The following ADAMTSL3 variants were observed in gnomAD, a reference collection of about 807,000 sequenced individuals.
ADAMTSL3 encodes ADAMTS-like protein 3.
Under a neutral mutation model 201.7 loss-of-function variants are expected in ADAMTSL3, and 128 were observed. The observed-to-expected ratio is 0.63, with a 90% confidence interval of 0.55 to 0.73. ADAMTSL3 has a LOEUF of 0.73. Among genes scored for constraint, ADAMTSL3 ranks in the 30% least tolerant of loss-of-function variants. The probability of loss-of-function intolerance (pLI) is 0.00; values close to 1 mark genes in which losing one functional copy is unlikely to be tolerated. For synonymous variants in ADAMTSL3, 738 were observed against 748.4 expected, an observed-to-expected ratio of 0.99 and a Z score of 0.23; for missense variants, 1,990 against 2,119.6, an observed-to-expected ratio of 0.94 and a Z score of 1.20.
intron 27 of ADAMTSL3, among the ~76,000 whole-genome samples, chr15:84,025,758 A>G (rs2279924): frequency 0.44 from 66,521 of 151,956 alleles, 14,742 homozygotes; most frequent in East Asian, 0.59. Flanking sequence ...TGGTATCTGC[A>G]CAAAAGCCTC....
At chr15:83,983,404 T>C (rs1466660026) in intron 21 of ADAMTSL3, 60 bp downstream of exon 21, 1 of 1,194,542 alleles carries the variant, frequency 8.4e-7, no homozygotes, top group African/African-American at 1.6e-5. Context: ...GCTATTCCAG[T>C]TTTCTTGAAA....
At position 84,024,250 on chromosome 15, in the gene ADAMTSL3, C is replaced by T. The variant is rs371532867; in HGVS notation, c.4458-988C>T. On this transcript the variant is annotated intron_variant, in intron 26 of 29. Coordinates refer to ENST00000286744, the MANE Select transcript of ADAMTSL3 (RefSeq NM_207517.3). Reference sequence around the variant, plus strand: ...CAGCCTGGGCGACAGAATGAGACTCCGTCTCACAACAAACAAACAAACATA... The same window carrying T: ...CAGCCTGGGCGACAGAATGAGACTCTGTCTCACAACAAACAAACAAACATA... Among the ~76,000 whole-genome samples, 27 of 152,228 alleles carry T rather than the reference C, an allele frequency of 1.8e-4. No homozygotes were observed. The East Asian group carries it at 4.6e-3, about 26-fold the overall frequency.
chr15:83,748,649 C>CAAAAAAAA (rs71156097), intron 3 of ADAMTSL3, among the ~76,000 whole-genome samples: 8 of 70,504 alleles, frequency 1.1e-4, no homozygotes, highest in Admixed American at 1.8e-4. Flanking sequence ...GACCCTGTCT[C>CAAAAAAAA]AAAAAAAAAA....
chr15:83,881,447 A>G (rs990237809), intron 9 of ADAMTSL3, among the ~76,000 whole-genome samples: 2 of 152,226 alleles, frequency 1.3e-5, no homozygotes, highest in South Asian at 4.1e-4. Flanking sequence ...AAAAAGGTAG[A>G]GCCAAATGTC....
At chr15:83,712,226 T>C (rs1272111382) in intron 3 of ADAMTSL3, among the ~76,000 whole-genome samples, 1 of 152,174 alleles carries the variant, frequency 6.6e-6, no homozygotes, top group Non-Finnish European at 1.5e-5. Flanking sequence ...ATGACTTGCT[T>C]TTCTGTTCTT....
intron 5 of ADAMTSL3, among the ~76,000 whole-genome samples, chr15:83,812,141 T>C (rs1043718838): frequency 5.3e-5 from 8 of 152,242 alleles, no homozygotes; most frequent in African/African-American, 1.9e-4. Flanking sequence ...TTTTTTTCCA[T>C]GTAATTACTT....
intron 16 of ADAMTSL3, among the ~76,000 whole-genome samples, chr15:83,917,899 A>T (rs1438386947): frequency 6.6e-6 from 1 of 152,228 alleles, no homozygotes; most frequent in Non-Finnish European, 1.5e-5. Context: ...GTTTAATCAC[A>T]GTGTGTGGTA....
At chr15:83,933,065 C>T (rs573328793) in intron 17 of ADAMTSL3, among the ~76,000 whole-genome samples, 31 of 152,062 alleles carry the variant, frequency 2.0e-4, no homozygotes, top group Non-Finnish European at 1.5e-4. Context: ...CAAAAATGGT[C>T]AAATATTGGC....
chr15:84,037,947 A>G lies in ADAMTSL3; in HGVS notation c.*141A>G. 8.0e-7 allele frequency: 1 copy of G among 1,256,520 alleles called. No homozygotes were observed. 77.8% of individuals were successfully genotyped at this position (1,256,520 alleles called of 1,614,324 possible). A position where few individuals can be genotyped will look rare whatever the true frequency, so the allele number is the denominator to read the frequency against. On this transcript the variant is annotated 3_prime_UTR_variant, in exon 30 of 30. Transcript: ENST00000286744. The stretch of plus-strand genomic sequence containing the variant: ...AAACAGAGGTTGATGCAAAAACACC[A>G]CTGTTAAGGTGTAAAGTGAAATTTT...
chr15:83,823,064 G>A (rs367897639), intron 6 of ADAMTSL3, among the ~76,000 whole-genome samples: 15 of 151,924 alleles, frequency 9.9e-5, no homozygotes, highest in African/African-American at 2.9e-4. Context: ...GCGTGGCGGC[G>A]CGCGCCTGCA....
chr15:83,671,925 G>C (rs1243448700), intron 2 of ADAMTSL3, among the ~76,000 whole-genome samples: 1 of 152,202 alleles, frequency 6.6e-6, no homozygotes, highest in Non-Finnish European at 1.5e-5. Flanking sequence ...TGCTGATTTT[G>C]CCTCTGGGTT....
intron 2 of ADAMTSL3, among the ~76,000 whole-genome samples, chr15:83,668,299 T>TG (rs2061277310): frequency 9.7e-6 from 1 of 102,718 alleles, no homozygotes; most frequent in Non-Finnish European, 1.9e-5. Context: ...CTTTTCTCAC[T>TG]CTTTTTTTTC....
intron 19 of ADAMTSL3, among the ~76,000 whole-genome samples, chr15:83,963,667 G>A (rs2067019383): frequency 6.6e-6 from 1 of 152,252 alleles, no homozygotes; most frequent in Non-Finnish European, 1.5e-5. Flanking sequence ...CTAAGGGATA[G>A]ACTGTCTCCT....
chr15:83,859,212 G>A lies in ADAMTSL3; in HGVS notation c.802+372G>A, dbSNP rs148527412. 4.7e-4 allele frequency among the ~76,000 whole-genome samples: 72 copies of A among 152,330 alleles called. No individual in the cohort carries two copies. In the South Asian group the frequency reaches 5.2e-3, roughly 11 times the overall value. ...ACGCACTGGTTTGACCTGAAAAGGT[G>A]GAATATCTTGAAGTGGGGGCTTACA... On this transcript the variant is annotated intron_variant, in intron 8 of 29. Coordinates refer to ENST00000286744, the MANE Select transcript of ADAMTSL3 (RefSeq NM_207517.3).
intron 8 of ADAMTSL3, among the ~76,000 whole-genome samples, chr15:83,867,678 G>A (rs1044696860): frequency 6.6e-6 from 1 of 152,144 alleles, no homozygotes; most frequent in Non-Finnish European, 1.5e-5. Flanking sequence ...GTACATATAA[G>A]TTTGATGTAT....
chr15:83,792,437 G>A (rs1257598717), intron 4 of ADAMTSL3, among the ~76,000 whole-genome samples: 3 of 152,166 alleles, frequency 2.0e-5, no homozygotes, highest in Non-Finnish European at 4.4e-5. Flanking sequence ...CCCTGTTGGC[G>A]AGAATGTAAA....
chr15:83,864,948 A>G lies in ADAMTSL3; in HGVS notation c.803-5854A>G, dbSNP rs1259638367. 2.6e-5 allele frequency among the ~76,000 whole-genome samples: 4 copies of G among 152,200 alleles called. No homozygotes were observed. In the East Asian group the frequency reaches 7.7e-4, roughly 29 times the overall value. On this transcript the variant is annotated intron_variant, in intron 8 of 29. Transcript: ENST00000286744. ...ATACAAAATCATGTGCAAAAATCAC[A>G]AGCATTCTTATACACCAATAACAGA...
intron 3 of ADAMTSL3, among the ~76,000 whole-genome samples, chr15:83,721,009 G>T (rs184503855): frequency 6.6e-6 from 1 of 152,220 alleles, no homozygotes; most frequent in East Asian, 1.9e-4. Context: ...ACTTGAATAA[G>T]AAGTCTAAAA....
chr15:83,733,857 G>C (rs906395411), intron 3 of ADAMTSL3, among the ~76,000 whole-genome samples: 1 of 151,990 alleles, frequency 6.6e-6, no homozygotes, highest in African/African-American at 2.4e-5. Flanking sequence ...AATTTATTTG[G>C]CGTAGTGCCC....
Sources: gnomAD v4.1 joint callset for allele counts (sites outside exome capture counted in the v4.1 genomes callset) on GRCh38, gnomAD v4.1.1 for gene constraint, MANE v1.5 for transcripts, NCBI Gene and HGNC (gene_info 2026-07-23, HGNC 2026-07-21) for gene names.